Variants in SLC60A1 observed in about 807,000 individuals in gnomAD.
SLC60A1 encodes the protein solute carrier family 60 member 1, also known as major facilitator superfamily domain containing 4.
the SLC60A1 span, chr1:205,580,589 A>G: frequency 6.4e-7 from 1 of 1,556,772 alleles, no homozygotes; most frequent in Non-Finnish European, 8.7e-7. This position sits in a 1 kb window ranked among gnomAD's most constrained non-coding sequence, Gnocchi z 5.0. Flanking sequence ...TCTGGACCGG[A>G]GGCCAGGCCA....
the SLC60A1 span, among the ~76,000 whole-genome samples, chr1:205,591,042 G>T: frequency 2.6e-5 from 4 of 152,180 alleles, no homozygotes; most frequent in African/African-American, 9.7e-5. Flanking sequence ...TGGGTCTTCT[G>T]ACCCCAAATC....
At chr1:205,591,998 G>T in the SLC60A1 span, 1 of 1,151,944 alleles carries the variant, frequency 8.7e-7, no homozygotes, top group Non-Finnish European at 1.2e-6. Context: ...CCTGGTCCAC[G>T]GGGTGGCGCG....
chr1:205,576,171 C>A, the SLC60A1 span, among the ~76,000 whole-genome samples: 4 of 152,168 alleles, frequency 2.6e-5, no homozygotes, highest in East Asian at 5.8e-4. Flanking sequence ...AGGGTCACCC[C>A]AAAGGGCACT....
the SLC60A1 span, among the ~76,000 whole-genome samples, chr1:205,570,749 G>C: frequency 6.6e-6 from 1 of 152,224 alleles, no homozygotes; most frequent in African/African-American, 2.4e-5. Context: ...ATTCTGCCTA[G>C]AGGTTTAATT....
the SLC60A1 span, chr1:205,585,970 C>A: frequency 2.0e-6 from 3 of 1,501,748 alleles, no homozygotes; most frequent in Non-Finnish European, 2.7e-6. The surrounding 1 kb of genome is among the most constrained non-coding windows in gnomAD (Gnocchi z 4.2). Context: ...CCTGGGCTCC[C>A]TTTGTGAGGG....
At chr1:205,579,766 A>G in the SLC60A1 span, 10 of 1,613,834 alleles carry the variant, frequency 6.2e-6, no homozygotes, top group African/African-American at 9.3e-5. Context: ...CCCAGTCACT[A>G]TGGGCCCTGT....
At chr1:205,576,193 A>AGGGGCAGGCCTGGGAGGGT in the SLC60A1 span, among the ~76,000 whole-genome samples, 6 of 152,172 alleles carry the variant, frequency 3.9e-5, no homozygotes, top group East Asian at 1.2e-3. Flanking sequence ...CAGCAGGAAT[A>AGGGGCAGGCCTGGGAGGGT]GGGGCAGGCC....
chr1:205,593,453 CAAAA>C, the SLC60A1 span, among the ~76,000 whole-genome samples: 344 of 83,478 alleles, frequency 4.1e-3, 2 homozygotes, highest in African/African-American at 0.011. Context: ...GACTCTGTCT[CAAAA>C]AAAAAAAAAA....
chr1:205,595,142 C>G, the SLC60A1 span: 1 of 152,240 alleles, frequency 6.6e-6, no homozygotes, highest in African/African-American at 2.4e-5. Context: ...AGTGTTCCCC[C>G]AAAAAAACCA....
At chr1:205,569,812 C>G in the SLC60A1 span, among the ~76,000 whole-genome samples, 1 of 152,142 alleles carries the variant, frequency 6.6e-6, no homozygotes, top group Non-Finnish European at 1.5e-5. Flanking sequence ...TTCCCAGGGC[C>G]AGGCTCCACT....
the SLC60A1 span, among the ~76,000 whole-genome samples, chr1:205,584,352 G>A: frequency 6.6e-6 from 1 of 150,766 alleles, no homozygotes. Context: ...CTCCCAAGTT[G>A]CGGGGATTAC....
At chr1:205,600,683 A>G in the SLC60A1 span, 72 of 542,396 alleles carry the variant, frequency 1.3e-4, no homozygotes, top group Non-Finnish European at 2.3e-4. Context: ...TCCCTGGTTC[A>G]GACTGTTGGT....
At chr1:205,571,082 G>A in the SLC60A1 span, among the ~76,000 whole-genome samples, 1 of 152,184 alleles carries the variant, frequency 6.6e-6, no homozygotes, top group African/African-American at 2.4e-5. Flanking sequence ...AAAAATCATG[G>A]TAACAATGAT....
At chr1:205,587,346 C>T in the SLC60A1 span, among the ~76,000 whole-genome samples, 4 of 152,070 alleles carry the variant, frequency 2.6e-5, no homozygotes, top group Non-Finnish European at 4.4e-5. Flanking sequence ...TAGCAGAGAG[C>T]GGGTTTGGAC....
the SLC60A1 span, chr1:205,579,948 A>G: frequency 6.2e-7 from 1 of 1,611,984 alleles, no homozygotes. Flanking sequence ...GTCTTCCTCC[A>G]GGTAAGCCCG....
chr1:205,579,221 G>A, the SLC60A1 span, among the ~76,000 whole-genome samples: 7 of 152,146 alleles, frequency 4.6e-5, no homozygotes, highest in African/African-American at 9.7e-5. Context: ...TGGTGTGGGC[G>A]TCTCAGGCCG....
the SLC60A1 span, among the ~76,000 whole-genome samples, chr1:205,571,044 C>A: frequency 1.3e-5 from 2 of 152,142 alleles, no homozygotes; most frequent in African/African-American, 2.4e-5. Flanking sequence ...GAGAACCCTG[C>A]AGCAGGAACT....
At chr1:205,577,587 C>T in the SLC60A1 span, among the ~76,000 whole-genome samples, 5 of 152,190 alleles carry the variant, frequency 3.3e-5, no homozygotes, top group Admixed American at 1.3e-4. This position sits in a 1 kb window ranked among gnomAD's most constrained non-coding sequence, Gnocchi z 5.2. Flanking sequence ...TGCCATTCAA[C>T]GCTCTGCAGA....
the SLC60A1 span, among the ~76,000 whole-genome samples, chr1:205,596,459 TGTG>T: frequency 7.3e-6 from 1 of 136,614 alleles, no homozygotes; most frequent in African/African-American, 2.7e-5. Flanking sequence ...ATTAGCCAGG[TGTG>T]GTGGGGCATG....
Sources: gnomAD v4.1 joint callset for allele counts (sites outside exome capture counted in the v4.1 genomes callset) on GRCh38, gnomAD v4.1.1 for gene constraint, Gnocchi (gnomAD v3.1) non-coding constraint, MANE v1.5 for transcripts, NCBI Gene and HGNC (gene_info 2026-07-23, HGNC 2026-07-21) for gene names.